ATRNL1: variants seen among roughly 807,000 people sequenced by gnomAD.
The protein encoded by ATRNL1 is attractin-like protein 1.
A neutral mutation model predicts 182.7 loss-of-function variants in ATRNL1; 95 were observed. The ratio of observed to expected loss-of-function variants is 0.52; its 90% CI spans 0.44 to 0.62. ATRNL1 has a LOEUF of 0.62. Ranked by LOEUF, ATRNL1 falls within the 20% of genes least tolerant of loss-of-function variation. The pLI is 0.00. For missense variants in ATRNL1, 1,471 were observed against 1,679.5 expected, an observed-to-expected ratio of 0.88 and a Z score of 2.17; for synonymous variants, 576 against 568.3, an observed-to-expected ratio of 1.01 and a Z score of -0.19.
intron 26 of ATRNL1, among the ~76,000 whole-genome samples, chr10:115,644,063 A>AT (rs1555031368): frequency 6.6e-6 from 1 of 152,186 alleles, no homozygotes; most frequent in Non-Finnish European, 1.5e-5. Flanking sequence ...GAACAATCTA[A>AT]TATTCATCAC....
At chr10:115,100,167 G>T (rs368188029) in intron 1 of ATRNL1, among the ~76,000 whole-genome samples, 1 of 152,062 alleles carries the variant, frequency 6.6e-6, no homozygotes, top group South Asian at 2.1e-4. Context: ...GGCGGTGTGC[G>T]CATTTAGCCC....
chr10:115,389,234 C>T (rs953505365), intron 19 of ATRNL1, among the ~76,000 whole-genome samples: 12 of 151,808 alleles, frequency 7.9e-5, no homozygotes, highest in African/African-American at 1.9e-4. Flanking sequence ...AGGCCGGGTG[C>T]GGTGGCTCAC....
chr10:115,108,559 G>T (rs1332933600), intron 1 of ATRNL1, among the ~76,000 whole-genome samples: 1 of 152,158 alleles, frequency 6.6e-6, no homozygotes, highest in Non-Finnish European at 1.5e-5. Flanking sequence ...TAGTGCATGG[G>T]GAAGGCTGGT....
At chr10:115,259,699 G>T (rs569931871) in intron 10 of ATRNL1, among the ~76,000 whole-genome samples, 24 of 152,230 alleles carry the variant, frequency 1.6e-4, no homozygotes, top group African/African-American at 5.3e-4. Flanking sequence ...CCTCTGCGTC[G>T]ATCACACTGG....
At chr10:115,702,725 T>C (rs1447052878) in intron 26 of ATRNL1, among the ~76,000 whole-genome samples, 1 of 151,772 alleles carries the variant, frequency 6.6e-6, no homozygotes, top group Non-Finnish European at 1.5e-5. Context: ...TAGGAATCCA[T>C]CTAACCAAGG....
chr10:115,388,467 T>G (rs1256777362), intron 19 of ATRNL1, among the ~76,000 whole-genome samples: 1 of 152,300 alleles, frequency 6.6e-6, no homozygotes, highest in Non-Finnish European at 1.5e-5. Context: ...ATTCTTATTG[T>G]TTCCATTTGC....
intron 1 of ATRNL1, among the ~76,000 whole-genome samples, chr10:115,115,478 T>C (rs1382036580): frequency 2.6e-5 from 4 of 152,226 alleles, no homozygotes; most frequent in African/African-American, 9.6e-5. Flanking sequence ...GTCTGCAATG[T>C]ATACATGTAT....
chr10:115,291,959 G>A (rs1268456254), intron 15 of ATRNL1, among the ~76,000 whole-genome samples: 1 of 148,576 alleles, frequency 6.7e-6, no homozygotes, highest in Non-Finnish European at 1.5e-5. Context: ...GAAAGGTTTG[G>A]TAGAATTCAG....
intron 10 of ATRNL1, among the ~76,000 whole-genome samples, chr10:115,242,605 G>A (rs1402350680): frequency 1.3e-5 from 2 of 151,924 alleles, no homozygotes; most frequent in Non-Finnish European, 2.9e-5. Context: ...GATGTAAGAA[G>A]TATACTTTTT....
chr10:115,940,285 G>A (rs1953687826), intron 28 of ATRNL1, among the ~76,000 whole-genome samples: 1 of 152,172 alleles, frequency 6.6e-6, no homozygotes, highest in South Asian at 2.1e-4. Flanking sequence ...ATAAATTAGG[G>A]AAGCTGTTTA....
intron 1 of ATRNL1, among the ~76,000 whole-genome samples, chr10:115,098,417 T>A (rs1389851135): frequency 6.6e-6 from 1 of 150,686 alleles, no homozygotes; most frequent in Non-Finnish European, 1.5e-5. Flanking sequence ...GGGTGATTAC[T>A]GATCATCCTT....
chr10:115,447,276 T>A (rs1847047606), intron 21 of ATRNL1, among the ~76,000 whole-genome samples: 1 of 151,836 alleles, frequency 6.6e-6, no homozygotes, highest in South Asian at 2.1e-4. Flanking sequence ...TTGCTCTATT[T>A]GCTTTGGATT....
At chr10:115,571,921 T>G (rs2133863942) in intron 26 of ATRNL1, among the ~76,000 whole-genome samples, 1 of 152,200 alleles carries the variant, frequency 6.6e-6, no homozygotes, top group South Asian at 2.1e-4. Flanking sequence ...AATGTTTTCC[T>G]TAAGTAGGTT....
At chr10:115,784,345 A>T (rs1593212549) in intron 27 of ATRNL1, among the ~76,000 whole-genome samples, 1 of 152,336 alleles carries the variant, frequency 6.6e-6, no homozygotes, top group Admixed American at 6.5e-5. Flanking sequence ...ATATTAAGAC[A>T]TAATGTCAAT....
intron 19 of ATRNL1, among the ~76,000 whole-genome samples, chr10:115,352,558 A>G (rs1856308682): frequency 6.6e-6 from 1 of 152,084 alleles, no homozygotes; most frequent in South Asian, 2.1e-4. Context: ...TCAGCAGCGT[A>G]TTGTTTCATT....
At chr10:115,263,162 C>T (rs868981362) in intron 10 of ATRNL1, among the ~76,000 whole-genome samples, 1 of 151,756 alleles carries the variant, frequency 6.6e-6, no homozygotes, top group African/African-American at 2.4e-5. Flanking sequence ...ACAATGAGCA[C>T]ACAGTACCAC....
Position 115,346,924 on chromosome 10 carries a change from T to C in ATRNL1, c.3175+12505T>C, listed in dbSNP as rs143278800. 1.1e-3 allele frequency among the ~76,000 whole-genome samples: 175 copies of C among 152,292 alleles called. 2 individuals are homozygous for C. In the East Asian group the frequency reaches 0.015, roughly 13 times the overall value. ...TTTGTTGCTTATATTTTTGGTGTCA[T>C]ATCTACAAATCCATTGCCATATGTA... On this transcript the variant is annotated intron_variant, in intron 19 of 28. Coordinates refer to ENST00000355044, the MANE Select transcript of ATRNL1 (RefSeq NM_207303.4).
chr10:115,619,747 A>G (rs1555022064), intron 26 of ATRNL1, among the ~76,000 whole-genome samples: 1 of 152,248 alleles, frequency 6.6e-6, no homozygotes, highest in Non-Finnish European at 1.5e-5. Context: ...TTTAAATTAC[A>G]TAAAAATTTC....
chr10:115,855,923 G>T (rs1951169718), intron 28 of ATRNL1, among the ~76,000 whole-genome samples: 1 of 152,114 alleles, frequency 6.6e-6, no homozygotes, highest in Admixed American at 6.5e-5. Flanking sequence ...TTCATGATTT[G>T]AACACTGATT....
Sources: allele counts gnomAD v4.1 joint callset (sites outside exome capture counted in the v4.1 genomes callset), GRCh38; gene constraint gnomAD v4.1.1; transcripts MANE v1.5; gene names NCBI Gene and HGNC (gene_info 2026-07-23, HGNC 2026-07-21).